Variants in CRISP3 observed in about 807,000 individuals in gnomAD.
CRISP3 encodes cysteine-rich secretory protein 3.
In CRISP3, 33 loss-of-function variants were observed where a neutral mutation model predicts 36.1. The ratio of observed to expected loss-of-function variants is 0.91; its 90% CI spans 0.69 to 1.22. The LOEUF (loss-of-function observed/expected upper bound fraction) is 1.22, where lower values mean the gene tolerates loss of function less well. Ranked by LOEUF, CRISP3 falls within the 50% of genes most tolerant of loss-of-function variation. CRISP3 has a pLI of 0.00. For synonymous variants in CRISP3, 117 were observed against 104.6 expected, an observed-to-expected ratio of 1.12 and a Z score of -0.72; for missense variants, 330 against 301.2, an observed-to-expected ratio of 1.10 and a Z score of -0.71.
chr6:49,737,472 TG>T, intron 1 of CRISP3, 74 bp from the exon 2 acceptor site: 1 of 1,494,802 alleles, frequency 6.7e-7, no homozygotes, highest in Non-Finnish European at 9.3e-7. Flanking sequence ...AACATGGGGG[TG>T]GGAGAAACGT....
intron 7 of CRISP3, 25 bp from the exon 8 acceptor site, chr6:49,728,882 T>C: frequency 1.3e-6 from 2 of 1,597,750 alleles, no homozygotes; most frequent in East Asian, 2.2e-5. Context: ...AAGAAATTAG[T>C]CACTTCATTA....
In CRISP3 at chr6:49,735,971, CT is replaced by C. The variant is rs1374942255; in HGVS notation, c.229-381del. ...TTACTTCATTTCCAGTTCTTTTTTTCTTTTTTTCCCCCTCACTGAATATGTT... is the reference window on the plus strand; with the variant it reads ...TTACTTCATTTCCAGTTCTTTTTTTCTTTTTTCCCCCTCACTGAATATGTT... On this transcript the variant is annotated intron_variant, in intron 3 of 7. Coordinates refer to ENST00000263045, the MANE Select transcript of CRISP3 (RefSeq NM_006061.4). Among the ~76,000 whole-genome samples, 6 of 151,720 alleles carry C rather than the reference CT, an allele frequency of 4.0e-5. No individual in the cohort carries two copies. In the East Asian group the frequency reaches 5.8e-4, roughly 15 times the overall value.
In CRISP3 at chr6:49,744,331, C is replaced by T. The variant is rs574500049; in HGVS notation, c.37G>A (p.Ala13Thr). 81 of 1,528,134 alleles carry T rather than the reference C, an allele frequency of 5.3e-5. No individual in the cohort carries two copies. The African/African-American group carries it at 8.9e-4, about 17-fold the overall frequency. The allele number at this position is 1,528,134 out of a possible 1,614,324, so 94.7% of individuals were successfully genotyped here. A position where few individuals can be genotyped will look rare whatever the true frequency, so the allele number is the denominator to read the frequency against. Residue 13 changes from alanine to threonine, a missense_variant and splice_region_variant, in exon 1 of 8, where the codon GCA becomes ACA. Physicochemically the swap from Ala to Thr is moderately conservative, Grantham distance 58 (BLOSUM62 0). Coordinates refer to ENST00000263045, the MANE Select transcript of CRISP3 (RefSeq NM_006061.4). ...QILHPALETT[A>T]MTLFPVLLFL... ...TTGAAATAAAGGAGTTATCACTTAC[C>T]AGTGGTTTCCAGAGCAGGATGAAGT...
chr6:49,737,469 G>A (rs2275597), intron 1 of CRISP3, 71 bp from the exon 2 acceptor site: 171,551 of 1,529,564 alleles, frequency 0.11, 10,895 homozygotes, highest in South Asian at 0.2. Flanking sequence ...AGTAACATGG[G>A]GGTGGGAGAA....
intron 7 of CRISP3, among the ~76,000 whole-genome samples, chr6:49,729,830 C>T (rs1768870795): frequency 6.6e-6 from 1 of 152,124 alleles, no homozygotes; most frequent in African/African-American, 2.4e-5. Context: ...CCAACAGTCT[C>T]CTAGCTGACT....
intron 2 of CRISP3, 131 bp from the exon 3 acceptor site, chr6:49,736,638 G>T (rs1223212646): frequency 5.4e-6 from 4 of 741,900 alleles, no homozygotes; most frequent in Non-Finnish European, 9.6e-6. Context: ...CATTGTCAAT[G>T]ACTGCCAAAG....
At position 49,736,615 on chromosome 6, in the gene CRISP3, A is replaced by C; in HGVS notation, c.112-108T>G. 16 of 819,764 alleles carry C rather than the reference A, an allele frequency of 2.0e-5. 1 individual carries two copies. The South Asian group carries it at 2.3e-4, about 12-fold the overall frequency. 50.8% of individuals were successfully genotyped at this position (819,764 alleles called of 1,614,324 possible). ...AAGACCATTTTTAAAAAGTGTTGCCAATGCTAGGTAAACATTGTCAATGAC... is the reference window on the plus strand; with the variant it reads ...AAGACCATTTTTAAAAAGTGTTGCCCATGCTAGGTAAACATTGTCAATGAC... On this transcript the variant is annotated intron_variant, in intron 2 of 7. Coordinates refer to ENST00000263045, the MANE Select transcript of CRISP3 (RefSeq NM_006061.4).
chr6:49,730,455 T>C (rs1768887723), intron 7 of CRISP3, among the ~76,000 whole-genome samples: 1 of 152,142 alleles, frequency 6.6e-6, no homozygotes, highest in African/African-American at 2.4e-5. Flanking sequence ...ATATGAGGAA[T>C]TGCAGTATTT....
At chr6:49,743,473 C>T (rs536671523) in intron 1 of CRISP3, among the ~76,000 whole-genome samples, 6 of 152,224 alleles carry the variant, frequency 3.9e-5, no homozygotes, top group Non-Finnish European at 7.4e-5. Flanking sequence ...GAGGCAACAC[C>T]GGATCTTCTA....
At chr6:49,741,790 G>A (rs1488173192) in intron 1 of CRISP3, among the ~76,000 whole-genome samples, 1 of 146,966 alleles carries the variant, frequency 6.8e-6, no homozygotes, top group Non-Finnish European at 1.5e-5. Context: ...CAGTACTGGA[G>A]AGATCCTAAT....
At chr6:49,736,528 A>C in intron 2 of CRISP3, 21 bp from the exon 3 acceptor site, 1 of 1,506,746 alleles carries the variant, frequency 6.6e-7, no homozygotes, top group Non-Finnish European at 9.2e-7. Flanking sequence ...ATAAAATTAC[A>C]ATTATCTTTT....
Position 49,727,912 on chromosome 6 carries a change from C to G in CRISP3, c.*818G>C, listed in dbSNP as rs1462009523. On this transcript the variant is annotated 3_prime_UTR_variant, in exon 8 of 8. Coordinates refer to ENST00000263045, the MANE Select transcript of CRISP3 (RefSeq NM_006061.4). The stretch of plus-strand genomic sequence containing the variant: ...TGAAGACGTCATTTGTCATTTTTCT[C>G]CCCTGTAAAGTTACTATGTTTCCCT... 1.3e-5 allele frequency: 2 copies of G among 152,072 alleles called. No homozygotes were observed. The highest frequency in any genetic ancestry group is 2.4e-5 in the African/African-American group (1 of 41,426). The allele number at this position is 152,072 out of a possible 1,614,324, so 9.4% of individuals were successfully genotyped here. A position where few individuals can be genotyped will look rare whatever the true frequency, so the allele number is the denominator to read the frequency against.
At chr6:49,730,388 A>G (rs1364359408) in intron 7 of CRISP3, among the ~76,000 whole-genome samples, 4 of 152,090 alleles carry the variant, frequency 2.6e-5, no homozygotes, top group Non-Finnish European at 5.9e-5. Context: ...ACTAAACTTG[A>G]TGATTGTAAC....
Position 49,736,523 on chromosome 6 carries a change from A to G in CRISP3, c.112-16T>C. ...AAGCGGGATCCTAAGGGAAAATAAA[A>G]TTACAATTATCTTTTAACATTGTTG... is the stretch of plus-strand genomic sequence containing the variant. On this transcript the variant is annotated splice_polypyrimidine_tract_variant and intron_variant, in intron 2 of 7. Transcript: ENST00000263045. 6.6e-7 allele frequency: 1 copy of G among 1,525,670 alleles called. No individual in the cohort carries two copies. Among genetic ancestry groups the G allele is most frequent in the Non-Finnish European group, 9.1e-7 (1 of 1,099,572 alleles). 94.5% of individuals were successfully genotyped at this position (1,525,670 alleles called of 1,614,324 possible). A position where few individuals can be genotyped will look rare whatever the true frequency, so the allele number is the denominator to read the frequency against.
At chr6:49,744,188 C>G (rs1769275596) in intron 1 of CRISP3, 143 bp downstream of exon 1, 1 of 513,712 alleles carries the variant, frequency 1.9e-6, no homozygotes, top group Admixed American at 3.9e-5. Context: ...AAGATAATTA[C>G]TCTCATTAAA....
intron 7 of CRISP3, 142 bp from the exon 8 acceptor site, chr6:49,728,999 T>A: frequency 1.5e-6 from 1 of 650,654 alleles, no homozygotes; most frequent in Non-Finnish European, 2.5e-6. Context: ...CCATTTTATA[T>A]CTTGAGGGAC....
At chr6:49,741,136 AC>A (rs139357341) in intron 1 of CRISP3, among the ~76,000 whole-genome samples, 40,613 of 132,500 alleles carry the variant, frequency 0.31, 6,111 homozygotes, top group South Asian at 0.43. Context: ...AAAAAAACAA[AC>A]AAAAAAAAAC....
At chr6:49,742,631 C>CAAAAAAAAAAAAAAAAAAAAGGAAAAA (rs1769236115) in intron 1 of CRISP3, among the ~76,000 whole-genome samples, 1 of 71,230 alleles carries the variant, frequency 1.4e-5, no homozygotes, top group Non-Finnish European at 2.8e-5. Context: ...GACTCCATCT[C>CAAAAAAAAAAAAAAAAAAAAGGAAAAA]AAAAAAAAAA....
At chr6:49,743,704 C>T (rs991459102) in intron 1 of CRISP3, among the ~76,000 whole-genome samples, 4 of 151,852 alleles carry the variant, frequency 2.6e-5, no homozygotes, top group Non-Finnish European at 4.4e-5. Flanking sequence ...GAAATATGCA[C>T]GATAGATATT....
Sources: allele counts gnomAD v4.1 joint callset (sites outside exome capture counted in the v4.1 genomes callset), GRCh38; gene constraint gnomAD v4.1.1; transcripts MANE v1.5; gene names NCBI Gene and HGNC (gene_info 2026-07-23, HGNC 2026-07-21).